CACNA1C: variants seen among roughly 807,000 people sequenced by gnomAD.
CACNA1C encodes the protein calcium voltage-gated channel subunit alpha1 C, also known as voltage-dependent L-type calcium channel subunit alpha-1C.
A neutral mutation model predicts 229.0 loss-of-function variants in CACNA1C; 30 were observed. The ratio of observed to expected loss-of-function variants is 0.13; its 90% CI spans 0.10 to 0.18. CACNA1C has a LOEUF of 0.18. Ranked by LOEUF, CACNA1C falls within the 10% of genes least tolerant of loss-of-function variation. The pLI, the probability that CACNA1C is intolerant of heterozygous loss-of-function variation, is 1.00. For synonymous variants in CACNA1C, 1,114 were observed against 1,132.5 expected (o/e 0.98, Z 0.33); for missense variants, 1,658 against 2,845.0 (o/e 0.58, Z 9.49).
intron 3 of CACNA1C, among the ~76,000 whole-genome samples, chr12:2,163,058 C>T (rs921019299): frequency 7.2e-5 from 11 of 151,856 alleles, no homozygotes; most frequent in East Asian, 1.9e-4. Flanking sequence ...ATTAGCCAGG[C>T]GTGGTGGTGC....
intron 9 of CACNA1C, among the ~76,000 whole-genome samples, chr12:2,544,658 C>T (rs1031914215): frequency 2.0e-5 from 3 of 152,228 alleles, no homozygotes; most frequent in Admixed American, 2.0e-4. Flanking sequence ...AAACTCCGTG[C>T]TTCCAGATTC....
In CACNA1C at chr12:2,017,073, TG is replaced by T. The variant is rs1204458021; in HGVS notation, c.139+45873del. Among the ~76,000 whole-genome samples the T allele has an allele frequency of 3.3e-5, 5 of 152,246 alleles. No individual in the cohort carries two copies. The South Asian group carries it at 1.0e-3, about 32-fold the overall frequency. ...TTATTCTCTAGGCAATGAAGTACAA[TG>T]AAAAGTCTTTAAAAGGGGAAGTGAC... is the stretch of plus-strand genomic sequence containing the variant. On this transcript the variant is annotated intron_variant, in intron 1 of 46. Transcript: ENST00000682462.
At chr12:2,519,894 G>A (rs933445532) in intron 9 of CACNA1C, among the ~76,000 whole-genome samples, 1 of 152,248 alleles carries the variant, frequency 6.6e-6, no homozygotes, top group African/African-American at 2.4e-5. Context: ...GTGCTATCTG[G>A]CCCCGTAAGT....
Position 2,347,231 on chromosome 12 carries a change from C to T in CACNA1C, c.478-101745C>T, listed in dbSNP as rs964276978. 3.0e-4 allele frequency among the ~76,000 whole-genome samples: 46 copies of T among 152,306 alleles called. 1 individual carries two copies. Among genetic ancestry groups the T allele is most frequent in the East Asian group, 7.7e-4 (4 of 5,182 alleles). ...AAATGCACCCTTTCTCACCTCCCCA[C>T]GAACACTGCACTTTCCCCACATCTG... is the stretch of plus-strand genomic sequence containing the variant. On this transcript the variant is annotated intron_variant, in intron 3 of 46. Transcript: ENST00000399655.
chr12:2,691,342 C>A lies in CACNA1C; in HGVS notation c.*143C>A. The A allele has an allele frequency of 1.1e-6, 1 of 916,952 alleles. No individual in the cohort carries two copies. Among genetic ancestry groups the A allele is most frequent in the Non-Finnish European group, 1.5e-6 (1 of 684,986 alleles). 56.8% of individuals were successfully genotyped at this position (916,952 alleles called of 1,614,324 possible). On this transcript the variant is annotated 3_prime_UTR_variant, in exon 47 of 47. Coordinates refer to ENST00000399655, the MANE Select transcript of CACNA1C (RefSeq NM_000719.7). ...TTTCTGTTGGGACCAGACGCGGAGCCTGGGTGCGCGAGCCGCCCTCCGGGA... is the reference window on the plus strand; with the variant it reads ...TTTCTGTTGGGACCAGACGCGGAGCATGGGTGCGCGAGCCGCCCTCCGGGA...
chr12:2,622,745 T>C (rs965220765), intron 29 of CACNA1C, among the ~76,000 whole-genome samples: 1 of 152,212 alleles, frequency 6.6e-6, no homozygotes, highest in African/African-American at 2.4e-5. Context: ...TACAGCTCTC[T>C]TCTTTCCTTC....
intron 3 of CACNA1C, among the ~76,000 whole-genome samples, chr12:2,284,553 C>G (rs1179699377): frequency 6.6e-6 from 1 of 152,168 alleles, no homozygotes; most frequent in Non-Finnish European, 1.5e-5. Flanking sequence ...GGAGAGAGCT[C>G]ACTGTTCTGT....
At chr12:2,335,622 C>T (rs1296726598) in intron 3 of CACNA1C, among the ~76,000 whole-genome samples, 1 of 152,120 alleles carries the variant, frequency 6.6e-6, no homozygotes, top group African/African-American at 2.4e-5. Flanking sequence ...CCCAGCCTTT[C>T]CAGGTGCAGG....
chr12:2,276,633 G>A lies in CACNA1C; in HGVS notation c.477+156203G>A, dbSNP rs115814327. On this transcript the variant is annotated intron_variant, in intron 3 of 46. Coordinates refer to ENST00000399655, the MANE Select transcript of CACNA1C (RefSeq NM_000719.7). ...CCAGGGCAGATGAATAGGTGCAGAC[G>A]TTAACAGCTTCTACACCTTAATTAG... Among the ~76,000 whole-genome samples the A allele has an allele frequency of 2.3e-3, 349 of 152,330 alleles. 3 individuals are homozygous for A. The highest frequency in any genetic ancestry group is 8.1e-3 in the African/African-American group (338 of 41,582).
At chr12:2,625,755 A>G (rs903311194) in intron 29 of CACNA1C, among the ~76,000 whole-genome samples, 1 of 145,738 alleles carries the variant, frequency 6.9e-6, no homozygotes, top group Non-Finnish European at 1.5e-5. Flanking sequence ...GTTCAAGACC[A>G]CCCTGGGCAA....
Position 2,053,115 on chromosome 12 carries a change from A to G in CACNA1C, c.-448A>G. The G allele has an allele frequency of 1.0e-6, 1 of 984,296 alleles. No individual in the cohort carries two copies. Among genetic ancestry groups the G allele is most frequent in the Non-Finnish European group, 1.2e-6 (1 of 829,524 alleles). 61.0% of individuals were successfully genotyped at this position (984,296 alleles called of 1,614,324 possible). On this transcript the variant is annotated 5_prime_UTR_variant, in exon 1 of 47. Coordinates refer to ENST00000399655, the MANE Select transcript of CACNA1C (RefSeq NM_000719.7). This position sits in a 1 kb window ranked among gnomAD's most constrained non-coding sequence, Gnocchi z 5.8. The stretch of plus-strand genomic sequence containing the variant: ...CCAGGAGTTGCCGGCTCCCTTTGAC[A>G]GCAGAGAGCCGGGCAGGGGCCTCAG...
In CACNA1C at chr12:2,669,048, G is replaced by A. The variant is rs561365937; in HGVS notation, c.4726+13G>A. The A allele has an allele frequency of 1.7e-4, 265 of 1,554,830 alleles. No homozygotes were observed. Among genetic ancestry groups the A allele is most frequent in the Admixed American group, 2.2e-4 (13 of 59,930 alleles). ...ATCAAAACAGAAGGTAAGGTCGCCCGTGGGCACTGGGAGAGACACTCAGAA... is the reference window on the plus strand; with the variant it reads ...ATCAAAACAGAAGGTAAGGTCGCCCATGGGCACTGGGAGAGACACTCAGAA... On this transcript the variant is annotated intron_variant, in intron 38 of 46. Coordinates refer to ENST00000399655, the MANE Select transcript of CACNA1C (RefSeq NM_000719.7).
intron 9 of CACNA1C, among the ~76,000 whole-genome samples, chr12:2,524,290 C>G (rs1447984283): frequency 1.3e-5 from 2 of 152,222 alleles, no homozygotes; most frequent in Non-Finnish European, 2.9e-5. Flanking sequence ...ACCCAGAATA[C>G]TAAGATAAAT....
At chr12:2,611,380 G>A (rs546387503) in intron 28 of CACNA1C, among the ~76,000 whole-genome samples, 80 of 134,088 alleles carry the variant, frequency 6.0e-4, no homozygotes, top group Middle Eastern at 9.2e-3. Context: ...GGAGATGGAG[G>A]AGGGAGGGAT....
intron 1 of CACNA1C, among the ~76,000 whole-genome samples, chr12:2,057,442 G>T (rs926864364): frequency 1.3e-5 from 2 of 152,244 alleles, no homozygotes; most frequent in African/African-American, 4.8e-5. Context: ...GGTCCGCCTG[G>T]TGATGAAAGG....
intron 9 of CACNA1C, among the ~76,000 whole-genome samples, chr12:2,525,559 G>A (rs979052293): frequency 1.3e-5 from 2 of 152,190 alleles, no homozygotes; most frequent in African/African-American, 4.8e-5. Context: ...TCCAAGGCCT[G>A]TTTAATACCC....
intron 3 of CACNA1C, among the ~76,000 whole-genome samples, chr12:2,412,791 C>T (rs1015466619): frequency 2.6e-5 from 4 of 152,180 alleles, no homozygotes; most frequent in Admixed American, 2.0e-4. Context: ...GAGGAATAAA[C>T]GTGTCTGAAT....
chr12:2,053,381 T>A lies in CACNA1C; in HGVS notation c.-182T>A. 7.3e-7 allele frequency: 1 copy of A among 1,377,656 alleles called. No homozygotes were observed. The highest frequency in any genetic ancestry group is 9.4e-7 in the Non-Finnish European group (1 of 1,063,446). The allele number at this position is 1,377,656 out of a possible 1,614,324, so 85.3% of individuals were successfully genotyped here. The stretch of plus-strand genomic sequence containing the variant: ...GAAAGGAGCAGTTTTTGGGGTTTGA[T>A]GCCATAATGGGAATCAGGTAATCGT... On this transcript the variant is annotated 5_prime_UTR_variant, in exon 1 of 47. An upstream start codon of the reference 5' UTR is lost. Coordinates refer to ENST00000399655, the MANE Select transcript of CACNA1C (RefSeq NM_000719.7). The surrounding 1 kb of genome is among the most constrained non-coding windows in gnomAD (Gnocchi z 5.8).
At chr12:2,142,684 C>G (rs2094361373) in intron 3 of CACNA1C, among the ~76,000 whole-genome samples, 2 of 151,182 alleles carry the variant, frequency 1.3e-5, no homozygotes, top group African/African-American at 4.8e-5. Flanking sequence ...ATGATCCTGA[C>G]CAAGGATCCT....
Sources: allele counts gnomAD v4.1 joint callset (sites outside exome capture counted in the v4.1 genomes callset), GRCh38; gene constraint gnomAD v4.1.1; non-coding constraint Gnocchi (gnomAD v3.1); transcripts MANE v1.5; gene names NCBI Gene and HGNC (gene_info 2026-07-23, HGNC 2026-07-21).